ESRRG: variants seen among roughly 807,000 people sequenced by gnomAD.
The protein encoded by ESRRG is estrogen-related receptor gamma.
In ESRRG, 13 loss-of-function variants were observed where a neutral mutation model predicts 44.0. The ratio of observed to expected loss-of-function variants is 0.30; its 90% CI spans 0.19 to 0.47. ESRRG has a LOEUF of 0.47. ESRRG is among the 20% of genes least tolerant of loss of function. ESRRG has a pLI of 1.00. For synonymous variants in ESRRG, 215 were observed against 214.6 expected, an observed-to-expected ratio of 1.00 and a Z score of -0.02; for missense variants, 395 against 580.6, an observed-to-expected ratio of 0.68 and a Z score of 3.29.
At chr1:217,121,119 T>TAC (rs71163790) in intron 1 of ESRRG, among the ~76,000 whole-genome samples, 15,424 of 148,360 alleles carry the variant, frequency 0.1, 803 homozygotes, top group East Asian at 0.22. Flanking sequence ...TCTTGAAGAA[T>TAC]ACACACACAC....
At chr1:216,652,307 T>C (rs1183331291) in intron 2 of ESRRG, among the ~76,000 whole-genome samples, 4 of 152,202 alleles carry the variant, frequency 2.6e-5, no homozygotes, top group African/African-American at 9.6e-5. Context: ...TCAGAGTTAA[T>C]CACACTTTGT....
intron 1 of ESRRG, among the ~76,000 whole-genome samples, chr1:217,011,452 G>A (rs2078600275): frequency 6.6e-6 from 1 of 152,214 alleles, no homozygotes; most frequent in Non-Finnish European, 1.5e-5. Context: ...CACTGGCTCT[G>A]GAGGGAACAG....
chr1:216,678,264 C>T (rs537799641), intron 1 of ESRRG, among the ~76,000 whole-genome samples: 6 of 152,292 alleles, frequency 3.9e-5, no homozygotes, highest in South Asian at 2.1e-4. Flanking sequence ...TTAATAAATA[C>T]GTGCATGTGT....
intron 1 of ESRRG, among the ~76,000 whole-genome samples, chr1:216,981,645 T>C (rs1163466730): frequency 6.6e-6 from 1 of 152,166 alleles, no homozygotes. Context: ...TAGTTACTTA[T>C]GCTATAATTT....
At chr1:216,879,094 T>A (rs1051944295) in intron 2 of ESRRG, among the ~76,000 whole-genome samples, 1 of 152,222 alleles carries the variant, frequency 6.6e-6, no homozygotes, top group African/African-American at 2.4e-5. Flanking sequence ...TTAGCAGGGA[T>A]AGTTTAGTTT....
At chr1:216,646,754 C>T (rs939085749) in intron 3 of ESRRG, among the ~76,000 whole-genome samples, 2 of 152,072 alleles carry the variant, frequency 1.3e-5, no homozygotes, top group African/African-American at 4.8e-5. Context: ...AGTTAAGTAG[C>T]ATTTTTTTAA....
chr1:216,697,929 A>C (rs2080510868), intron 1 of ESRRG, among the ~76,000 whole-genome samples: 1 of 152,174 alleles, frequency 6.6e-6, no homozygotes, highest in Non-Finnish European at 1.5e-5. Flanking sequence ...GAGCCATGGA[A>C]ACTTCTCTGT....
At chr1:216,549,894 G>A (rs1045178206) in intron 5 of ESRRG, among the ~76,000 whole-genome samples, 13 of 152,020 alleles carry the variant, frequency 8.6e-5, no homozygotes, top group Non-Finnish European at 1.8e-4. Context: ...TTTTAAGAGA[G>A]GAAATATAGA....
At chr1:216,785,620 AAAC>A (rs1172848728) in intron 2 of ESRRG, among the ~76,000 whole-genome samples, 27 of 152,256 alleles carry the variant, frequency 1.8e-4, no homozygotes, top group African/African-American at 6.3e-4. Context: ...AATAAAAACC[AAAC>A]AACCAAAAAT....
At chr1:216,742,308 T>C in intron 2 of ESRRG, among the ~76,000 whole-genome samples, 1 of 152,136 alleles carries the variant, frequency 6.6e-6, no homozygotes. Context: ...CCAATTTGAC[T>C]TGAGAGAGGA....
chr1:216,955,425 C>T (rs1185263270), intron 1 of ESRRG, among the ~76,000 whole-genome samples: 1 of 152,094 alleles, frequency 6.6e-6, no homozygotes, highest in East Asian at 1.9e-4. Context: ...ACCACACTTT[C>T]TTTATTCATT....
chr1:216,598,547 C>T (rs1211477419), intron 3 of ESRRG, among the ~76,000 whole-genome samples: 1 of 152,192 alleles, frequency 6.6e-6, no homozygotes, highest in Non-Finnish European at 1.5e-5. Flanking sequence ...CAGTGACCTG[C>T]ATCTTACTTA....
intron 3 of ESRRG, among the ~76,000 whole-genome samples, chr1:216,602,059 C>T (rs1183160005): frequency 1.3e-5 from 2 of 152,188 alleles, no homozygotes; most frequent in African/African-American, 4.8e-5. Context: ...TATGGAATGT[C>T]TGAGTAAATC....
At chr1:216,795,173 A>C (rs1408363057) in intron 2 of ESRRG, among the ~76,000 whole-genome samples, 2 of 152,138 alleles carry the variant, frequency 1.3e-5, no homozygotes, top group African/African-American at 4.8e-5. Context: ...TGAAGACACG[A>C]AGTAATGTGT....
At chr1:216,621,094 C>G (rs2062160797) in intron 3 of ESRRG, among the ~76,000 whole-genome samples, 1 of 152,212 alleles carries the variant, frequency 6.6e-6, no homozygotes, top group Middle Eastern at 3.4e-3. Flanking sequence ...AGATATGTAT[C>G]CACAGTAGAA....
intron 1 of ESRRG, among the ~76,000 whole-genome samples, chr1:217,045,661 G>A (rs1412851611): frequency 6.6e-6 from 1 of 152,278 alleles, no homozygotes; most frequent in South Asian, 2.1e-4. Flanking sequence ...AGCACGTGTG[G>A]CTCTTGGCCA....
intron 2 of ESRRG, among the ~76,000 whole-genome samples, chr1:216,822,285 T>C (rs913806695): frequency 3.3e-5 from 5 of 152,180 alleles, no homozygotes; most frequent in African/African-American, 9.7e-5. Flanking sequence ...TAAATACCGA[T>C]ACTCTCTAAT....
intron 1 of ESRRG, among the ~76,000 whole-genome samples, chr1:217,130,795 GA>G (rs1163408171): frequency 6.6e-6 from 1 of 151,994 alleles, no homozygotes; most frequent in Non-Finnish European, 1.5e-5. Context: ...GTATCTGACA[GA>G]AAAAATAAAG....
chr1:216,691,853 G>A (rs976018333), intron 1 of ESRRG, among the ~76,000 whole-genome samples: 2 of 152,054 alleles, frequency 1.3e-5, no homozygotes, highest in Admixed American at 6.6e-5. Flanking sequence ...TCACAAATAC[G>A]ACACTGGTCC....
Sources: gnomAD v4.1 joint callset for allele counts (sites outside exome capture counted in the v4.1 genomes callset) on GRCh38, gnomAD v4.1.1 for gene constraint, MANE v1.5 for transcripts, NCBI Gene and HGNC (gene_info 2026-07-23, HGNC 2026-07-21) for gene names.